The following KCTD14 variants were observed in gnomAD, a reference collection of about 807,000 sequenced individuals.
KCTD14 encodes the protein potassium channel tetramerization domain containing 14.
Under a neutral mutation model 5.9 loss-of-function variants are expected in KCTD14, and 7 were observed. That is an observed-to-expected ratio of 1.19 (90% CI 0.68 to 2.23). The LOEUF (loss-of-function observed/expected upper bound fraction) is 2.23. KCTD14 is among the 30% of genes most tolerant of loss of function. The pLI, the probability that KCTD14 is intolerant of heterozygous loss-of-function variation, is 0.00. For synonymous variants in KCTD14, 140 were observed against 133.1 expected (o/e 1.05, Z -0.36); for missense variants, 342 against 332.2 (o/e 1.03, Z -0.23).
At chr11:78,040,550 CT>C (rs138827029) in intron 1 of KCTD14, among the ~76,000 whole-genome samples, 9,272 of 152,204 alleles carry the variant, frequency 0.061, 384 homozygotes, top group Non-Finnish European at 0.095. Context: ...TGTCTTTTCT[CT>C]GTCTCTTCGG....
chr11:78,022,689 G>C (rs945398885), intron 1 of KCTD14, among the ~76,000 whole-genome samples: 1 of 152,116 alleles, frequency 6.6e-6, no homozygotes, highest in Non-Finnish European at 1.5e-5. Context: ...GACCCAGCCA[G>C]AGGGCAGGGG....
exon 1 of KCTD14, chr11:78,046,088 G>A (rs1278384935): frequency 2.0e-6 from 2 of 985,294 alleles, no homozygotes; most frequent in Non-Finnish European, 2.4e-6. Context: ...AGGACTCCGA[G>A]AAAAGCGAGT....
At chr11:78,021,040 C>T (rs1050204679) in intron 1 of KCTD14, among the ~76,000 whole-genome samples, 2 of 152,054 alleles carry the variant, frequency 1.3e-5, no homozygotes, top group Non-Finnish European at 2.9e-5. Flanking sequence ...CAGTGGCTTA[C>T]GCCTGTAATC....
chr11:78,024,445 CAT>C (rs56371412), upstream of KCTD14, among the ~76,000 whole-genome samples: 416 of 140,470 alleles, frequency 3.0e-3, 3 homozygotes, highest in East Asian at 0.016. Context: ...CACACACACA[CAT>C]ATATATATAT....
At chr11:78,026,398 G>A (rs904703681), upstream of KCTD14, among the ~76,000 whole-genome samples, 7 of 151,776 alleles carry the variant, frequency 4.6e-5, no homozygotes, top group Admixed American at 2.6e-4. Flanking sequence ...AGCTGAGATC[G>A]CACCATTACA....
intron 1 of KCTD14, among the ~76,000 whole-genome samples, chr11:78,018,407 AT>A (rs983061042): frequency 3.3e-4 from 49 of 148,182 alleles, no homozygotes; most frequent in Admixed American, 7.4e-4. Context: ...AGGAAAAAAA[AT>A]TTTTTTTTTA....
chr11:78,033,681 CAAA>C (rs34822968), intron 2 of KCTD14, among the ~76,000 whole-genome samples: 5 of 127,976 alleles, frequency 3.9e-5, no homozygotes, highest in African/African-American at 5.9e-5. Context: ...GACTCCTTCT[CAAA>C]AAAAAAAAAA....
intron 2 of KCTD14, among the ~76,000 whole-genome samples, chr11:78,036,656 G>A (rs934578385): frequency 1.2e-4 from 19 of 152,180 alleles, no homozygotes; most frequent in African/African-American, 4.6e-4. Flanking sequence ...TTTCCCAAGA[G>A]GCCTTCCGTG....
upstream of KCTD14, among the ~76,000 whole-genome samples, chr11:78,025,114 G>GTATATA (rs1311073204): frequency 1.7e-3 from 114 of 66,754 alleles, 1 homozygote; most frequent in East Asian, 2.0e-3. Context: ...GTGTGTGTGT[G>GTATATA]TGTGTATATA....
upstream of KCTD14, among the ~76,000 whole-genome samples, chr11:78,027,869 T>G (rs1857508582): frequency 6.6e-6 from 1 of 152,122 alleles, no homozygotes; most frequent in Non-Finnish European, 1.5e-5. Context: ...TTATCAGACT[T>G]AAAGACTGAC....
intron 2 of KCTD14, among the ~76,000 whole-genome samples, chr11:78,032,633 T>C (rs1857658433): frequency 8.6e-6 from 1 of 116,696 alleles, no homozygotes; most frequent in Non-Finnish European, 1.8e-5. Context: ...GCCAGGACAG[T>C]ACTGCCCTAC....
At chr11:78,021,959 C>T (rs1030321007) in intron 1 of KCTD14, among the ~76,000 whole-genome samples, 2 of 152,178 alleles carry the variant, frequency 1.3e-5, no homozygotes, top group Non-Finnish European at 2.9e-5. Context: ...CTTGGCCATC[C>T]GCACTCCTTT....
At chr11:78,022,167 G>T (rs555948228) in intron 1 of KCTD14, among the ~76,000 whole-genome samples, 1 of 152,268 alleles carries the variant, frequency 6.6e-6, no homozygotes, top group East Asian at 1.9e-4. Context: ...CCAGCACTTT[G>T]GGAGGCTGAG....
rs1363451896 is a variant in KCTD14 at position 78,016,431 on chromosome 11, GAGTGGAA to G, written c.*155_*161del. On this transcript the variant is annotated 3_prime_UTR_variant, in exon 2 of 2. Coordinates refer to ENST00000353172, the MANE Select transcript of KCTD14 (RefSeq NM_023930.4). ...AAATATAGTGGCATCAGTTGCAATG[GAGTGGAA>G]AGTCCTTAAACGAGTGATCAATATT... 1 of 629,854 alleles carries G rather than the reference GAGTGGAA, an allele frequency of 1.6e-6. No individual in the cohort carries two copies. 39.0% of individuals were successfully genotyped at this position (629,854 alleles called of 1,614,324 possible).
At chr11:78,023,514 C>A, upstream of KCTD14, 1 of 464,216 alleles carries the variant, frequency 2.2e-6, no homozygotes, top group Non-Finnish European at 3.8e-6. Context: ...TTCTTTCTTT[C>A]TTTCTTTTTT....
intron 2 of KCTD14, among the ~76,000 whole-genome samples, chr11:78,033,502 T>G (rs564384013): frequency 3.3e-4 from 50 of 151,952 alleles, no homozygotes; most frequent in African/African-American, 1.2e-3. Context: ...GCCAACATGG[T>G]GAAACCCTGT....
Position 78,035,872 on chromosome 11 carries a change from C to A in KCTD14, c.-1+2792G>T, listed in dbSNP as rs549354640. Among the ~76,000 whole-genome samples the A allele has an allele frequency of 6.6e-5, 9 of 135,764 alleles. No homozygotes were observed. The East Asian group carries it at 2.0e-3, about 30-fold the overall frequency. 89.1% of individuals were successfully genotyped at this position (135,764 alleles called of 152,430 possible). On this transcript the variant is annotated intron_variant, in intron 2 of 2. Transcript: ENST00000533144. ...AAAAAAAAAAAAAAAAAAACAGTCC[C>A]TTCATGGCCGGGCACAGTGGCTCAC...
chr11:78,038,593 A>G, intron 2 of KCTD14: 1 of 1,513,648 alleles, frequency 6.6e-7, no homozygotes, highest in Non-Finnish European at 8.9e-7. Context: ...TGGTTACCCC[A>G]AGTGAACAGC....
chr11:78,018,227 C>T (rs557868761), intron 1 of KCTD14, among the ~76,000 whole-genome samples: 1 of 152,114 alleles, frequency 6.6e-6, no homozygotes, highest in African/African-American at 2.4e-5. Flanking sequence ...CTCTTACAGC[C>T]TCAGTTTCCT....
Sources: gnomAD v4.1 joint callset for allele counts (sites outside exome capture counted in the v4.1 genomes callset) on GRCh38, gnomAD v4.1.1 for gene constraint, MANE v1.5 for transcripts, NCBI Gene and HGNC (gene_info 2026-07-23, HGNC 2026-07-21) for gene names.